Variants in EVA1C observed in about 807,000 individuals in gnomAD.
EVA1C encodes protein eva-1 homolog C.
A neutral mutation model predicts 45.4 loss-of-function variants in EVA1C; 25 were observed. The ratio of observed to expected loss-of-function variants is 0.55; its 90% CI spans 0.40 to 0.77. The LOEUF (loss-of-function observed/expected upper bound fraction) is 0.77. EVA1C is among the 30% of genes least tolerant of loss of function. The pLI is 0.00. For synonymous variants in EVA1C, 190 were observed against 221.2 expected (o/e 0.86, Z 1.25); for missense variants, 479 against 554.8 (o/e 0.86, Z 1.37).
At chr21:32,427,344 C>T (rs1283715959) in intron 1 of EVA1C, among the ~76,000 whole-genome samples, 3 of 152,190 alleles carry the variant, frequency 2.0e-5, no homozygotes, top group East Asian at 1.9e-4. Flanking sequence ...AGTTTGGAAA[C>T]GCAGGCCTAA....
At chr21:32,428,746 C>T (rs891785277) in intron 1 of EVA1C, 5 of 152,206 alleles carry the variant, frequency 3.3e-5, no homozygotes, top group Admixed American at 6.5e-5. Flanking sequence ...TAAAGAATGT[C>T]ATGTTTACGA....
chr21:32,494,153 A>G (rs1489937402), intron 4 of EVA1C, among the ~76,000 whole-genome samples: 1 of 152,116 alleles, frequency 6.6e-6, no homozygotes, highest in African/African-American at 2.4e-5. Flanking sequence ...CATCCACCAT[A>G]GGTGTTCAAC....
intron 1 of EVA1C, among the ~76,000 whole-genome samples, chr21:32,451,063 G>T (rs947227047): frequency 2.0e-5 from 3 of 152,202 alleles, no homozygotes; most frequent in South Asian, 2.1e-4. Flanking sequence ...ACTCTGGGCT[G>T]GTGGGCGTGA....
intron 2 of EVA1C, among the ~76,000 whole-genome samples, chr21:32,456,636 C>T (rs186463557): frequency 1.3e-5 from 2 of 152,344 alleles, no homozygotes; most frequent in East Asian, 3.9e-4. Flanking sequence ...CAGAGAGGCT[C>T]ACGTGTCTGC....
intron 3 of EVA1C, 40 bp downstream of exon 3, chr21:32,457,760 G>A (rs376876019): frequency 7.4e-6 from 12 of 1,611,810 alleles, no homozygotes; most frequent in Non-Finnish European, 1.0e-5. Flanking sequence ...TTGGGGTGTG[G>A]TTCTCGTTTC....
intron 1 of EVA1C, among the ~76,000 whole-genome samples, chr21:32,424,797 C>T (rs1395573165): frequency 6.6e-6 from 1 of 152,032 alleles, no homozygotes; most frequent in Non-Finnish European, 1.5e-5. Flanking sequence ...ATCTGATTTC[C>T]GTATTTTTTT....
At chr21:32,424,943 A>G (rs558973386) in intron 1 of EVA1C, among the ~76,000 whole-genome samples, 1 of 152,110 alleles carries the variant, frequency 6.6e-6, no homozygotes, top group Non-Finnish European at 1.5e-5. Context: ...TGCAGCCTCA[A>G]CCTCCTGGGC....
chr21:32,431,538 G>T (rs1027945365), intron 1 of EVA1C, among the ~76,000 whole-genome samples: 1 of 152,224 alleles, frequency 6.6e-6, no homozygotes, highest in Non-Finnish European at 1.5e-5. Flanking sequence ...CTGGGTTGGG[G>T]CCTGGGCACT....
chr21:32,426,168 C>G (rs1264598560), intron 1 of EVA1C, among the ~76,000 whole-genome samples: 1 of 152,132 alleles, frequency 6.6e-6, no homozygotes, highest in Non-Finnish European at 1.5e-5. Flanking sequence ...TTCCTTTCCT[C>G]CAAGGACCTT....
chr21:32,427,618 C>A (rs2034539283), intron 1 of EVA1C, among the ~76,000 whole-genome samples: 1 of 152,006 alleles, frequency 6.6e-6, no homozygotes, highest in South Asian at 2.1e-4. Context: ...GAGGCTGAGG[C>A]AGGAGAATCG....
chr21:32,431,552 AT>A (rs768217768), intron 1 of EVA1C, among the ~76,000 whole-genome samples: 1 of 152,252 alleles, frequency 6.6e-6, no homozygotes, highest in Non-Finnish European at 1.5e-5. Flanking sequence ...GGGCACTGAT[AT>A]TCATGCAGAG....
intron 1 of EVA1C, among the ~76,000 whole-genome samples, chr21:32,421,655 T>G (rs984671415): frequency 2.6e-5 from 4 of 152,220 alleles, no homozygotes; most frequent in Non-Finnish European, 5.9e-5. Flanking sequence ...TATAGATTCC[T>G]ATAGCTAAAA....
In EVA1C at chr21:32,443,000, AGGAGGGAGGGAGGGAG is replaced by A. The variant is rs1279952008; in HGVS notation, c.161-10304_161-10289del. Among the ~76,000 whole-genome samples, 7 of 65,152 alleles carry A rather than the reference AGGAGGGAGGGAGGGAG, an allele frequency of 1.1e-4. No individual in the cohort carries two copies. In the East Asian group the frequency reaches 4.0e-3, roughly 38 times the overall value. 42.7% of individuals were successfully genotyped at this position (65,152 alleles called of 152,430 possible). A position where few individuals can be genotyped will look rare whatever the true frequency, so the allele number is the denominator to read the frequency against. On this transcript the variant is annotated intron_variant, in intron 1 of 7. Coordinates refer to ENST00000300255, the MANE Select transcript of EVA1C (RefSeq NM_058187.5). ...GGGAAGGAAGGGAGGGAGGGAGGGA[AGGAGGGAGGGAGGGAG>A]GGAGGGAAGGAAGGAGGAAGGGTGG... is the stretch of plus-strand genomic sequence containing the variant.
At chr21:32,453,008 C>T (rs1421961210) in intron 1 of EVA1C, 1 of 298,092 alleles carries the variant, frequency 3.4e-6, no homozygotes, top group African/African-American at 2.1e-5. Flanking sequence ...ACAGGAGTGC[C>T]TGTTCTCACT....
chr21:32,416,239 GTGT>G (rs1419672973), intron 1 of EVA1C, among the ~76,000 whole-genome samples: 1 of 150,990 alleles, frequency 6.6e-6, no homozygotes, highest in Non-Finnish European at 1.5e-5. Flanking sequence ...CTTCTAATTT[GTGT>G]TGTTTCTCTG....
intron 5 of EVA1C, among the ~76,000 whole-genome samples, chr21:32,496,197 TTC>T (rs1405954581): frequency 7.2e-5 from 11 of 152,166 alleles, no homozygotes. Flanking sequence ...CCCATCTACT[TTC>T]TGTCTTTATG....
chr21:32,505,545 C>T (rs1010073871), intron 7 of EVA1C, among the ~76,000 whole-genome samples: 7 of 152,166 alleles, frequency 4.6e-5, no homozygotes, highest in Non-Finnish European at 7.3e-5. Flanking sequence ...CTACCTTGTC[C>T]GTTCCTCTCA....
At chr21:32,513,815 A>C (rs983895950) in intron 7 of EVA1C, among the ~76,000 whole-genome samples, 6 of 152,130 alleles carry the variant, frequency 3.9e-5, no homozygotes, top group African/African-American at 7.2e-5. Context: ...TGTTGGGATT[A>C]CCAGCGTGAG....
At chr21:32,483,712 TTA>T (rs2036871048) in intron 4 of EVA1C, among the ~76,000 whole-genome samples, 3 of 152,190 alleles carry the variant, frequency 2.0e-5, no homozygotes, top group Admixed American at 6.5e-5. Flanking sequence ...GATGTTTGCA[TTA>T]TGTCATGTTC....
Sources: allele counts gnomAD v4.1 joint callset (sites outside exome capture counted in the v4.1 genomes callset), GRCh38; gene constraint gnomAD v4.1.1; transcripts MANE v1.5; gene names NCBI Gene and HGNC (gene_info 2026-07-23, HGNC 2026-07-21).